TBC1D13: variants seen among roughly 807,000 people sequenced by gnomAD.
TBC1D13 encodes the protein epididymis secretory sperm binding protein.
In TBC1D13, 40 loss-of-function variants were observed where a neutral mutation model predicts 53.6. The ratio of observed to expected loss-of-function variants is 0.75; its 90% CI spans 0.58 to 0.97. TBC1D13 has a LOEUF of 0.97. Ranked by LOEUF, TBC1D13 falls within the 50% of genes least tolerant of loss-of-function variation. The pLI, the probability that TBC1D13 is intolerant of heterozygous loss-of-function variation, is 0.00. For missense variants in TBC1D13, 377 were observed against 499.4 expected, an observed-to-expected ratio of 0.75 and a Z score of 2.34; for synonymous variants, 182 against 197.7, an observed-to-expected ratio of 0.92 and a Z score of 0.67.
chr9:128,799,604 T>G (rs937516428), intron 7 of TBC1D13, among the ~76,000 whole-genome samples: 11 of 152,306 alleles, frequency 7.2e-5, no homozygotes, highest in African/African-American at 2.6e-4. Flanking sequence ...GTTAGACATT[T>G]AAGGAGTGGC....
intron 7 of TBC1D13, among the ~76,000 whole-genome samples, chr9:128,798,500 T>C (rs936596476): frequency 5.3e-5 from 8 of 152,110 alleles, no homozygotes; most frequent in African/African-American, 1.9e-4. Flanking sequence ...GGAAATGCTT[T>C]AGGCACTGTG....
chr9:128,808,181 C>T lies in TBC1D13; in HGVS notation c.*302C>T. 2.5e-6 allele frequency: 1 copy of T among 403,842 alleles called. No homozygotes were observed. The highest frequency in any genetic ancestry group is 2.9e-5 in the South Asian group (1 of 34,710). The allele number at this position is 403,842 out of a possible 1,614,324, so 25.0% of individuals were successfully genotyped here. A position where few individuals can be genotyped will look rare whatever the true frequency, so the allele number is the denominator to read the frequency against. On this transcript the variant is annotated 3_prime_UTR_variant, in exon 12 of 12. Coordinates refer to ENST00000372648, the MANE Select transcript of TBC1D13 (RefSeq NM_018201.5). ...CTGGGAGGCTGGCAGGGGCCCCTCC[C>T]TGCCTCGGCTCTGCCGCCCCAGCCT...
intron 3 of TBC1D13, among the ~76,000 whole-genome samples, chr9:128,791,034 T>C (rs753357178): frequency 6.6e-6 from 1 of 152,236 alleles, no homozygotes; most frequent in Non-Finnish European, 1.5e-5. Flanking sequence ...TCATGCTTAT[T>C]GGGACAAAAC....
intron 3 of TBC1D13, among the ~76,000 whole-genome samples, 162 bp downstream of exon 3, chr9:128,790,937 CTT>C (rs778139096): frequency 8.5e-5 from 13 of 152,220 alleles, no homozygotes; most frequent in Non-Finnish European, 1.6e-4. Context: ...CTCTTGGTGT[CTT>C]CTCTGGGATC....
rs2132527272 is a variant in TBC1D13, at chr9:128,788,406, T to C, written c.96T>C (p.Ser32=). Reference sequence around the variant, plus strand: ...AAAAGCTGCGGGAACTCAGCTTTAGTGGTAAGAAGCCATTCTGTATTTTCA... The same window carrying C: ...AAAAGCTGCGGGAACTCAGCTTTAGCGGTAAGAAGCCATTCTGTATTTTCA... The part of the protein sequence containing the change: ...ALEKLRELSF[S]GIPCEGGLRC... The change falls in exon 2 of 12, where the codon AGT becomes AGC. Residue 32 remains serine (S), a splice_region_variant and synonymous_variant. Transcript: ENST00000372648. The C allele has an allele frequency of 6.2e-7, 1 of 1,613,816 alleles. No homozygotes were observed. Among genetic ancestry groups the C allele is most frequent in the Middle Eastern group, 1.7e-4 (1 of 6,054 alleles).
chr9:128,791,770 T>C (rs1367245409), intron 5 of TBC1D13, 77 bp downstream of exon 5: 6 of 1,295,436 alleles, frequency 4.6e-6, no homozygotes, highest in Admixed American at 3.5e-5. Context: ...CAAGGGCCCC[T>C]GCATGCCAGG....
chr9:128,801,121 A>G (rs1345271642), intron 7 of TBC1D13, among the ~76,000 whole-genome samples: 5 of 152,100 alleles, frequency 3.3e-5, no homozygotes, highest in Non-Finnish European at 7.4e-5. Flanking sequence ...GCAGTGAGCC[A>G]AGATCACTCC....
rs1294332105 is a variant in TBC1D13, at chr9:128,806,264, G to T, written c.1090G>T (p.Glu364Ter). 2 of 1,614,164 alleles carry T rather than the reference G, an allele frequency of 1.2e-6. No homozygotes were observed. The highest frequency in any genetic ancestry group is 1.1e-5 in the South Asian group (1 of 91,068). The change falls in exon 11 of 12, where the codon GAG (glutamate) becomes TAG (stop). Residue 364 changes from glutamate (E) to a stop codon, truncating the protein, a stop_gained. Coordinates refer to ENST00000372648, the MANE Select transcript of TBC1D13 (RefSeq NM_018201.5). LOFTEE classifies it high-confidence loss of function. ...VCCAMLMLIR[E>*]QLLEGDFTVN... ...TGCTGCTTTTCATAGGCTGATCCGG[G>T]AGCAGTTGCTGGAAGGGGACTTCAC...
intron 7 of TBC1D13, 96 bp from the exon 8 acceptor site, chr9:128,803,153 AG>A: frequency 9.1e-7 from 1 of 1,104,438 alleles, no homozygotes. Context: ...ACTGGGGCTC[AG>A]CTCCCACCTC....
chr9:128,788,532 TAC>T lies in TBC1D13; in HGVS notation c.97+131_97+132del, dbSNP rs1829471814. The T allele has an allele frequency of 1.3e-5, 10 of 786,656 alleles. No homozygotes were observed. The South Asian group carries it at 1.6e-4, about 13-fold the overall frequency. 48.7% of individuals were successfully genotyped at this position (786,656 alleles called of 1,614,324 possible). On this transcript the variant is annotated intron_variant, in intron 2 of 11. Transcript: ENST00000372648. ...GGGGGCTGGGGCCTTGGAAGGAAAT[TAC>T]ACACAGACTCTTGGGGCCTTTTCCA...
Position 128,797,227 on chromosome 9 carries a change from C to T in TBC1D13, c.543+13C>T, listed in dbSNP as rs537707990. ...TGGGGTCACAAATGTGAGTGCCAAC[C>T]TGGGGTCCCCAGGGACTCCCCCAAC... On this transcript the variant is annotated intron_variant, in intron 7 of 11. Transcript: ENST00000372648. 7.4e-6 allele frequency: 12 copies of T among 1,613,564 alleles called. No individual in the cohort carries two copies. The Admixed American group carries it at 1.8e-4, about 25-fold the overall frequency.
intron 2 of TBC1D13, 103 bp downstream of exon 2, chr9:128,788,510 G>A: frequency 2.0e-6 from 2 of 1,017,494 alleles, no homozygotes; most frequent in Non-Finnish European, 3.0e-6. Context: ...AGCTGCTGGG[G>A]GCTGGGGCCT....
chr9:128,788,545 T>C (rs1829472136), intron 2 of TBC1D13, 138 bp downstream of exon 2: 2 of 704,688 alleles, frequency 2.8e-6, no homozygotes, highest in Non-Finnish European at 4.8e-6. Flanking sequence ...ACACAGACTC[T>C]TGGGGCCTTT....
intron 6 of TBC1D13, among the ~76,000 whole-genome samples, chr9:128,795,781 T>C (rs927302079): frequency 3.9e-5 from 6 of 151,908 alleles, no homozygotes; most frequent in Non-Finnish European, 2.9e-5. Flanking sequence ...TTTTTACAGA[T>C]GGGGTCTCCT....
rs1240385732 is a variant in TBC1D13, at chr9:128,809,962, G to T, written c.*2083G>T. On this transcript the variant is annotated 3_prime_UTR_variant, in exon 12 of 12. Transcript: ENST00000372648. ...TTGGGCCACTGCCTGGGACCCAGCA[G>T]ACACTGCCCAGGACTCTTTAGTGCA... 6.6e-6 allele frequency: 1 copy of T among 152,470 alleles called. No homozygotes were observed. The highest frequency in any genetic ancestry group is 2.4e-5 in the African/African-American group (1 of 41,450). The allele number at this position is 152,470 out of a possible 1,614,324, so 9.4% of individuals were successfully genotyped here.
intron 7 of TBC1D13, among the ~76,000 whole-genome samples, chr9:128,801,545 G>C (rs561593999): frequency 3.8e-4 from 57 of 151,932 alleles, no homozygotes; most frequent in African/African-American, 1.3e-3. Context: ...TGGGCATGGT[G>C]GTGGGTGCCT....
Position 128,803,246 on chromosome 9 carries a change from C to T in TBC1D13, c.544-4C>T, listed in dbSNP as rs753843615. 47 of 1,613,786 alleles carry T rather than the reference C, an allele frequency of 2.9e-5. No homozygotes were observed. Among genetic ancestry groups the T allele is most frequent in the Middle Eastern group, 1.6e-4 (1 of 6,062 alleles). On this transcript the variant is annotated splice_region_variant and splice_polypyrimidine_tract_variant and intron_variant, in intron 7 of 11. Coordinates refer to ENST00000372648, the MANE Select transcript of TBC1D13 (RefSeq NM_018201.5). ...CTTGATGGGCTCCTCCTCTTCTCCT[C>T]CAGATGAGCTCCCCACACAAGAACT...
At chr9:128,804,751 G>T (rs1829801271) in intron 9 of TBC1D13, among the ~76,000 whole-genome samples, 1 of 99,204 alleles carries the variant, frequency 1.0e-5, no homozygotes, top group Non-Finnish European at 1.9e-5. Context: ...TTTTTGAGAA[G>T]GACTCTCTCT....
chr9:128,803,903 G>A, intron 8 of TBC1D13, 53 bp from the exon 9 acceptor site: 1 of 1,599,982 alleles, frequency 6.3e-7, no homozygotes, highest in South Asian at 1.1e-5. Context: ...GTAGGTGAGA[G>A]GTGGGGTGGG....
Sources: allele counts gnomAD v4.1 joint callset (sites outside exome capture counted in the v4.1 genomes callset), GRCh38; gene constraint gnomAD v4.1.1; transcripts MANE v1.5; gene names NCBI Gene and HGNC (gene_info 2026-07-23, HGNC 2026-07-21).